MGAT4C: variants seen among roughly 807,000 people sequenced by gnomAD.
MGAT4C encodes the protein alpha-1,3-mannosyl-glycoprotein 4-beta-N-acetylglucosaminyltransferase C.
In MGAT4C, 19 loss-of-function variants were observed where a neutral mutation model predicts 40.1. That is an observed-to-expected ratio of 0.47 (90% CI 0.33 to 0.70). MGAT4C has a LOEUF of 0.70. Ranked by LOEUF, MGAT4C falls within the 30% of genes least tolerant of loss-of-function variation. The pLI is 0.02. For synonymous variants in MGAT4C, 181 were observed against 187.1 expected (o/e 0.97, Z 0.27); for missense variants, 491 against 563.2 (o/e 0.87, Z 1.30).
At chr12:86,605,538 A>G (rs1238323141) in intron 2 of MGAT4C, among the ~76,000 whole-genome samples, 1 of 152,120 alleles carries the variant, frequency 6.6e-6, no homozygotes, top group East Asian at 1.9e-4. Context: ...CCATTTCCAT[A>G]ACTAACTCTC....
In MGAT4C at chr12:85,979,921, G is replaced by T; in HGVS notation, c.805C>A (p.Leu269Ile). ...AATAAAAAATGGGCCAAACGTGGGAGATCATGAGAATGATAGAGTTTACCA... is the reference window on the plus strand; with the variant it reads ...AATAAAAAATGGGCCAAACGTGGGATATCATGAGAATGATAGAGTTTACCA... The part of the protein sequence containing the change: ...YIGKLYHSHD[L>I]PRLAHFLLMF... Residue 269 changes from leucine (L) to isoleucine (I), a missense_variant, in exon 5 of 5, where the codon CTC becomes ATC. Transcript: ENST00000611864. The T allele has an allele frequency of 6.2e-7, 1 of 1,613,808 alleles. No homozygotes were observed. The highest frequency in any genetic ancestry group is 1.1e-5 in the South Asian group (1 of 91,074).
At chr12:86,410,433 T>C (rs1022241877) in intron 3 of MGAT4C, among the ~76,000 whole-genome samples, 2 of 152,100 alleles carry the variant, frequency 1.3e-5, no homozygotes, top group African/African-American at 2.4e-5. Flanking sequence ...CTCTCCTAAT[T>C]GCACATCCAT....
chr12:86,039,583 G>GT (rs1354904771), intron 2 of MGAT4C, among the ~76,000 whole-genome samples: 1 of 151,924 alleles, frequency 6.6e-6, no homozygotes, highest in East Asian at 1.9e-4. Context: ...GGTCTTTTAT[G>GT]TTTTTCCCTA....
chr12:86,630,446 C>CA (rs1329881733), intron 2 of MGAT4C, among the ~76,000 whole-genome samples: 2 of 151,836 alleles, frequency 1.3e-5, no homozygotes, highest in African/African-American at 4.8e-5. Flanking sequence ...CAGAGACACA[C>CA]AAAAAAAGAG....
intron 2 of MGAT4C, among the ~76,000 whole-genome samples, chr12:86,461,792 T>C (rs1193708087): frequency 6.6e-6 from 1 of 152,212 alleles, no homozygotes; most frequent in Non-Finnish European, 1.5e-5. Context: ...GTCAGAATTT[T>C]AGTTTATAAA....
At chr12:86,363,421 T>G (rs572697889) in intron 3 of MGAT4C, among the ~76,000 whole-genome samples, 3 of 152,096 alleles carry the variant, frequency 2.0e-5, no homozygotes, top group Non-Finnish European at 2.9e-5. Flanking sequence ...ACTTGATTAA[T>G]ATAAAAATGC....
At chr12:86,308,823 T>A (rs2136148060) in intron 4 of MGAT4C, among the ~76,000 whole-genome samples, 1 of 150,578 alleles carries the variant, frequency 6.6e-6, no homozygotes, top group Middle Eastern at 3.4e-3. Context: ...ACTTGATGTT[T>A]ACAAAAATTT....
chr12:86,322,354 C>T (rs1421549271), intron 4 of MGAT4C, among the ~76,000 whole-genome samples: 1 of 151,658 alleles, frequency 6.6e-6, no homozygotes, highest in Non-Finnish European at 1.5e-5. Flanking sequence ...CACATGTACC[C>T]TAGAACTTAA....
rs1179829986 is a variant in MGAT4C at position 85,977,811 on chromosome 12, CACACACACACACACACACACACAG to C, written c.*1454_*1477del. ...ACACACACACACACACACACACACA[CACACACACACACACACACACACAG>C]AGTCATCTATATGAACACGTACTTG... On this transcript the variant is annotated 3_prime_UTR_variant, in exon 5 of 5. Coordinates refer to ENST00000611864, the MANE Select transcript of MGAT4C (RefSeq NM_001351288.2). 3 of 124,558 alleles carry C rather than the reference CACACACACACACACACACACACAG, an allele frequency of 2.4e-5. No individual in the cohort carries two copies. The highest frequency in any genetic ancestry group is 5.2e-5 in the African/African-American group (2 of 38,498). 7.7% of individuals were successfully genotyped at this position (124,558 alleles called of 1,614,324 possible). A position where few individuals can be genotyped will look rare whatever the true frequency, so the allele number is the denominator to read the frequency against.
At chr12:86,143,019 C>A (rs1263124854) in intron 1 of MGAT4C, among the ~76,000 whole-genome samples, 2 of 152,116 alleles carry the variant, frequency 1.3e-5, no homozygotes, top group Non-Finnish European at 2.9e-5. Flanking sequence ...AAGAACACTG[C>A]CAAACAGCGA....
At chr12:86,337,501 T>TGAGC (rs1257495494) in intron 3 of MGAT4C, among the ~76,000 whole-genome samples, 3 of 150,684 alleles carry the variant, frequency 2.0e-5, no homozygotes, top group Non-Finnish European at 4.4e-5. Flanking sequence ...GAGAATCACT[T>TGAGC]GAGCCCAGGA....
At chr12:86,722,534 A>G (rs1950754254) in intron 2 of MGAT4C, among the ~76,000 whole-genome samples, 1 of 152,216 alleles carries the variant, frequency 6.6e-6, no homozygotes, top group East Asian at 1.9e-4. Context: ...CACATAGCAC[A>G]CTATCAAGAC....
At chr12:86,651,852 CTG>C (rs1963707138) in intron 2 of MGAT4C, among the ~76,000 whole-genome samples, 1 of 151,704 alleles carries the variant, frequency 6.6e-6, no homozygotes, top group Admixed American at 6.6e-5. Context: ...TCATAGACAA[CTG>C]TGAGAATTAC....
intron 3 of MGAT4C, among the ~76,000 whole-genome samples, chr12:86,350,294 A>T (rs1955130778): frequency 6.6e-6 from 1 of 152,130 alleles, no homozygotes; most frequent in South Asian, 2.1e-4. Context: ...GGAAAAATGA[A>T]GTGGGCTGAA....
chr12:85,991,023 C>T (rs958483887), intron 2 of MGAT4C, among the ~76,000 whole-genome samples: 4 of 152,116 alleles, frequency 2.6e-5, no homozygotes, highest in East Asian at 3.9e-4. Context: ...TGTCCTGCAT[C>T]GAGGAAGAAT....
At chr12:86,610,133 A>T (rs963346327) in intron 2 of MGAT4C, among the ~76,000 whole-genome samples, 1 of 152,154 alleles carries the variant, frequency 6.6e-6, no homozygotes, top group Non-Finnish European at 1.5e-5. Flanking sequence ...ACATCAAGGG[A>T]TATATAATAA....
intron 1 of MGAT4C, among the ~76,000 whole-genome samples, chr12:86,164,080 G>A (rs1403987691): frequency 1.3e-5 from 2 of 152,152 alleles, no homozygotes; most frequent in South Asian, 4.1e-4. Context: ...TATAGACATG[G>A]TGAGTGAAAT....
At chr12:86,296,506 A>G (rs1953681871) in intron 4 of MGAT4C, among the ~76,000 whole-genome samples, 1 of 152,116 alleles carries the variant, frequency 6.6e-6, no homozygotes, top group Non-Finnish European at 1.5e-5. Context: ...GAGGTGGGGG[A>G]CGGCTCAGGC....
At chr12:86,713,175 T>A (rs1950589057) in intron 2 of MGAT4C, among the ~76,000 whole-genome samples, 1 of 152,088 alleles carries the variant, frequency 6.6e-6, no homozygotes, top group Admixed American at 6.6e-5. Flanking sequence ...AATAACAGTG[T>A]TACTGTTAAC....
Sources: gnomAD v4.1 joint callset for allele counts (sites outside exome capture counted in the v4.1 genomes callset) on GRCh38, gnomAD v4.1.1 for gene constraint, MANE v1.5 for transcripts, NCBI Gene and HGNC (gene_info 2026-07-23, HGNC 2026-07-21) for gene names.